Variants in NXPH1 observed in about 807,000 individuals in gnomAD.
NXPH1 encodes the protein neurexophilin 1.
Under a neutral mutation model 23.7 loss-of-function variants are expected in NXPH1, and 5 were observed. That is an observed-to-expected ratio of 0.21 (90% CI 0.11 to 0.44). The LOEUF is 0.44. Ranked by LOEUF, NXPH1 falls within the 20% of genes least tolerant of loss-of-function variation. The pLI is 0.99. For missense variants in NXPH1, 324 were observed against 321.6 expected (o/e 1.01, Z -0.06); for synonymous variants, 144 against 122.2 (o/e 1.18, Z -1.18).
chr7:8,495,806 G>T (rs1279030019), intron 2 of NXPH1, among the ~76,000 whole-genome samples: 1 of 151,996 alleles, frequency 6.6e-6, no homozygotes, highest in East Asian at 1.9e-4. Context: ...GCTTACACAG[G>T]CATGGGAGTG....
intron 2 of NXPH1, among the ~76,000 whole-genome samples, chr7:8,645,305 G>C (rs1275404116): frequency 1.3e-5 from 2 of 152,012 alleles, no homozygotes; most frequent in African/African-American, 4.8e-5. Flanking sequence ...AAGTTTTCAA[G>C]GCTCCTCTCC....
chr7:8,527,600 A>G lies in NXPH1; in HGVS notation c.54+91833A>G, dbSNP rs573920727. Reference sequence around the variant, plus strand: ...TTAAATATTTATAAATCTGGCAGGAATTAGTATAGGTGTTCCATACTTTTG... The same window carrying G: ...TTAAATATTTATAAATCTGGCAGGAGTTAGTATAGGTGTTCCATACTTTTG... On this transcript the variant is annotated intron_variant, in intron 2 of 2. Coordinates refer to ENST00000405863, the MANE Select transcript of NXPH1 (RefSeq NM_152745.3). Among the ~76,000 whole-genome samples the G allele has an allele frequency of 5.3e-5, 8 of 152,324 alleles. No individual in the cohort carries two copies. In the South Asian group the frequency reaches 1.4e-3, roughly 28 times the overall value.
At chr7:8,723,232 A>G (rs1465114926) in intron 2 of NXPH1, among the ~76,000 whole-genome samples, 1 of 152,214 alleles carries the variant, frequency 6.6e-6, no homozygotes, top group East Asian at 1.9e-4. Flanking sequence ...GTCAATACAA[A>G]TGTCCACTTG....
chr7:8,483,938 A>G (rs898387480), intron 2 of NXPH1, among the ~76,000 whole-genome samples: 3 of 150,542 alleles, frequency 2.0e-5, no homozygotes, highest in Non-Finnish European at 4.4e-5. Flanking sequence ...CACAGCTAGC[A>G]ACTAGAATAA....
intron 2 of NXPH1, among the ~76,000 whole-genome samples, chr7:8,729,025 T>C (rs1429077403): frequency 1.3e-5 from 2 of 152,028 alleles, no homozygotes; most frequent in East Asian, 3.9e-4. Context: ...GATCCTGTTA[T>C]TGGTCTATTC....
intron 2 of NXPH1, among the ~76,000 whole-genome samples, chr7:8,713,662 A>G (rs893316907): frequency 1.3e-5 from 2 of 152,210 alleles, no homozygotes; most frequent in Non-Finnish European, 2.9e-5. Flanking sequence ...CTGCAGCCAT[A>G]TCTGCATTAG....
chr7:8,580,383 C>T (rs768495726), intron 2 of NXPH1, among the ~76,000 whole-genome samples: 3 of 152,104 alleles, frequency 2.0e-5, no homozygotes, highest in East Asian at 1.9e-4. Context: ...CATCCACTTA[C>T]TCTTGGCAGA....
At chr7:8,700,234 G>T (rs540545995) in intron 2 of NXPH1, among the ~76,000 whole-genome samples, 42 of 152,286 alleles carry the variant, frequency 2.8e-4, no homozygotes, top group African/African-American at 8.2e-4. Context: ...ATGTTGTGGA[G>T]TAGTGTTACA....
rs778070383 is a variant in NXPH1 at position 8,443,249 on chromosome 7, G to C, written c.54+7482G>C. 8.5e-5 allele frequency among the ~76,000 whole-genome samples: 13 copies of C among 152,354 alleles called. No homozygotes were observed. The South Asian group carries it at 1.0e-3, about 12-fold the overall frequency. Reference sequence around the variant, plus strand: ...TCCATTACCACACTCAGTGGTTGCGGCGTCACGTGATCACCACGGAGATTT... The same window carrying C: ...TCCATTACCACACTCAGTGGTTGCGCCGTCACGTGATCACCACGGAGATTT... On this transcript the variant is annotated intron_variant, in intron 2 of 2. Transcript: ENST00000405863.
intron 2 of NXPH1, among the ~76,000 whole-genome samples, chr7:8,693,640 C>A (rs943181098): frequency 1.3e-5 from 2 of 152,180 alleles, no homozygotes; most frequent in African/African-American, 4.8e-5. Context: ...TGTTTAAAAT[C>A]TCAGACCAGA....
chr7:8,750,245 A>C (rs573147368), intron 2 of NXPH1, among the ~76,000 whole-genome samples: 1 of 152,250 alleles, frequency 6.6e-6, no homozygotes, highest in African/African-American at 2.4e-5. Context: ...AACTTTTCTA[A>C]TATGACTGTA....
At chr7:8,671,206 A>G (rs1820863788) in intron 2 of NXPH1, among the ~76,000 whole-genome samples, 1 of 152,196 alleles carries the variant, frequency 6.6e-6, no homozygotes, top group Non-Finnish European at 1.5e-5. Context: ...TTTTATTTCT[A>G]TGTGAAAGAG....
At chr7:8,538,506 G>C (rs147340514) in intron 2 of NXPH1, among the ~76,000 whole-genome samples, 1 of 151,958 alleles carries the variant, frequency 6.6e-6, no homozygotes, top group East Asian at 1.9e-4. Flanking sequence ...TGTAAAATGA[G>C]GATAAAGATA....
intron 2 of NXPH1, among the ~76,000 whole-genome samples, chr7:8,620,099 G>T (rs1369305170): frequency 6.6e-6 from 1 of 152,098 alleles, no homozygotes; most frequent in African/African-American, 2.4e-5. Context: ...TAGTCACAAG[G>T]ATCCTTCTCA....
intron 2 of NXPH1, among the ~76,000 whole-genome samples, chr7:8,516,684 T>C (rs1817692847): frequency 6.6e-6 from 1 of 152,104 alleles, no homozygotes; most frequent in African/African-American, 2.4e-5. Flanking sequence ...TACTTTCAGT[T>C]ATTAAGAGGA....
At chr7:8,467,840 C>A (rs1329994921) in intron 2 of NXPH1, among the ~76,000 whole-genome samples, 1 of 152,088 alleles carries the variant, frequency 6.6e-6, no homozygotes, top group Non-Finnish European at 1.5e-5. Flanking sequence ...ATCAGGTGTT[C>A]TGCCTGTTTT....
chr7:8,446,055 G>C (rs765003288), intron 2 of NXPH1, among the ~76,000 whole-genome samples: 3 of 152,148 alleles, frequency 2.0e-5, no homozygotes, highest in Non-Finnish European at 2.9e-5. Flanking sequence ...AAAATTAATG[G>C]ACTGCTTTAC....
chr7:8,435,565 C>A lies in NXPH1; in HGVS notation c.-110-39C>A. 1.4e-6 allele frequency: 1 copy of A among 707,210 alleles called. No individual in the cohort carries two copies. The highest frequency in any genetic ancestry group is 2.6e-6 in the Non-Finnish European group (1 of 392,018). 43.8% of individuals were successfully genotyped at this position (707,210 alleles called of 1,614,324 possible). On this transcript the variant is annotated intron_variant, in intron 1 of 2. Transcript: ENST00000405863. This position sits in a 1 kb window ranked among gnomAD's most constrained non-coding sequence, Gnocchi z 5.9. ...GCTTGATTGTCAAGCCTAACCTTGC[C>A]CGCGTAGTCATGGGATGTCTAATTT... is the stretch of plus-strand genomic sequence containing the variant.
At chr7:8,455,169 AC>A (rs138503293) in intron 2 of NXPH1, among the ~76,000 whole-genome samples, 5,782 of 152,234 alleles carry the variant, frequency 0.038, 147 homozygotes, top group Non-Finnish European at 0.054. Flanking sequence ...GAATTATTCC[AC>A]CCACTATATT....
Sources: gnomAD v4.1 joint callset for allele counts (sites outside exome capture counted in the v4.1 genomes callset) on GRCh38, gnomAD v4.1.1 for gene constraint, Gnocchi (gnomAD v3.1) non-coding constraint, MANE v1.5 for transcripts, NCBI Gene and HGNC (gene_info 2026-07-23, HGNC 2026-07-21) for gene names.